The following IMMP2L variants were observed in gnomAD, a reference collection of about 807,000 sequenced individuals.
IMMP2L encodes the protein mitochondrial inner membrane protease subunit 2.
A neutral mutation model predicts 19.3 loss-of-function variants in IMMP2L; 18 were observed. The observed-to-expected ratio is 0.93, with a 90% CI of 0.64 to 1.38. IMMP2L has a LOEUF of 1.38. Among genes scored for constraint, IMMP2L ranks in the 40% most tolerant of loss-of-function variants. IMMP2L has a pLI of 0.00. For missense variants in IMMP2L, 233 were observed against 218.2 expected (o/e 1.07, Z -0.43); for synonymous variants, 76 against 73.0 (o/e 1.04, Z -0.21).
At chr7:110,750,383 C>G (rs935078127) in intron 5 of IMMP2L, among the ~76,000 whole-genome samples, 1 of 151,956 alleles carries the variant, frequency 6.6e-6, no homozygotes, top group African/African-American at 2.4e-5. Flanking sequence ...AGCATTGAAA[C>G]CCCTGGAAAA....
chr7:111,380,089 A>G (rs1305466704), intron 3 of IMMP2L, among the ~76,000 whole-genome samples: 1 of 151,956 alleles, frequency 6.6e-6, no homozygotes, highest in Non-Finnish European at 1.5e-5. Context: ...ATCACTGCTA[A>G]TTTATTTGTC....
intron 3 of IMMP2L, among the ~76,000 whole-genome samples, chr7:111,319,110 GGAGGGCAAGTCT>G (rs1563053706): frequency 6.6e-6 from 1 of 152,090 alleles, no homozygotes; most frequent in Admixed American, 6.6e-5. Flanking sequence ...TATGTCTGTA[GGAGGGCAAGTCT>G]GAGGGCACGA....
Position 110,667,072 on chromosome 7 carries a change from G to A in IMMP2L, c.409-3351C>T, listed in dbSNP as rs181390702. 2.2e-4 allele frequency among the ~76,000 whole-genome samples: 34 copies of A among 152,096 alleles called. 1 individual carries two copies. The East Asian group carries it at 5.6e-3, about 25-fold the overall frequency. ...ATTTTTAGTAGAGAGGGGTTTCACC[G>A]TGTTAGCCAAGATGGTCTCGATCTT... is the stretch of plus-strand genomic sequence containing the variant. On this transcript the variant is annotated intron_variant, in intron 5 of 5. Coordinates refer to ENST00000405709, the MANE Select transcript of IMMP2L (RefSeq NM_032549.4).
intron 3 of IMMP2L, among the ~76,000 whole-genome samples, chr7:111,446,032 C>A (rs1231219032): frequency 2.0e-5 from 3 of 152,064 alleles, no homozygotes; most frequent in Non-Finnish European, 2.9e-5. Context: ...GAGACTGTAT[C>A]CCACACCTGG....
chr7:111,052,319 T>G (rs1206551507), intron 3 of IMMP2L, among the ~76,000 whole-genome samples: 1 of 152,134 alleles, frequency 6.6e-6, no homozygotes, highest in Non-Finnish European at 1.5e-5. Context: ...TACCATCTAT[T>G]CTCTTTGAAG....
intron 5 of IMMP2L, among the ~76,000 whole-genome samples, chr7:110,717,504 A>C (rs1363420379): frequency 6.6e-6 from 1 of 152,146 alleles, no homozygotes; most frequent in Non-Finnish European, 1.5e-5. Flanking sequence ...AACAACTCAA[A>C]GTGTAAGCAC....
intron 4 of IMMP2L, among the ~76,000 whole-genome samples, chr7:110,908,192 C>G (rs1042678649): frequency 2.6e-5 from 4 of 152,152 alleles, no homozygotes; most frequent in Non-Finnish European, 5.9e-5. Flanking sequence ...ATCTCTGCAT[C>G]CAGCAACCTC....
At chr7:110,761,942 C>A (rs1798372003) in intron 5 of IMMP2L, among the ~76,000 whole-genome samples, 1 of 152,120 alleles carries the variant, frequency 6.6e-6, no homozygotes, top group Non-Finnish European at 1.5e-5. Flanking sequence ...AGCATAGCTC[C>A]CTGGTCAACA....
intron 5 of IMMP2L, among the ~76,000 whole-genome samples, chr7:110,842,400 T>C (rs1260940626): frequency 1.3e-5 from 2 of 152,076 alleles, no homozygotes; most frequent in African/African-American, 4.8e-5. Context: ...TGAGTTCGGG[T>C]CCACAGGCCA....
At chr7:111,274,219 T>G (rs1584396423) in intron 3 of IMMP2L, among the ~76,000 whole-genome samples, 1 of 152,160 alleles carries the variant, frequency 6.6e-6, no homozygotes, top group East Asian at 1.9e-4. Context: ...TTTACAAGTC[T>G]CTGATCTGGT....
At chr7:111,545,182 T>A (rs1848814439) in intron 1 of IMMP2L, among the ~76,000 whole-genome samples, 1 of 152,118 alleles carries the variant, frequency 6.6e-6, no homozygotes, top group South Asian at 2.1e-4. Flanking sequence ...GTTGGTCAGC[T>A]CTGCCCATAG....
At chr7:111,322,914 T>C (rs1454063974) in intron 3 of IMMP2L, among the ~76,000 whole-genome samples, 1 of 151,776 alleles carries the variant, frequency 6.6e-6, no homozygotes, top group Non-Finnish European at 1.5e-5. Flanking sequence ...TTCATAGCAT[T>C]AAATACTTAC....
At chr7:111,062,682 A>G (rs147335580) in intron 3 of IMMP2L, among the ~76,000 whole-genome samples, 23 of 152,224 alleles carry the variant, frequency 1.5e-4, no homozygotes, top group African/African-American at 5.5e-4. Flanking sequence ...TTGGGCAAAT[A>G]CAGCTGTTCC....
chr7:110,975,784 A>C (rs1267414097), intron 3 of IMMP2L, among the ~76,000 whole-genome samples: 2 of 152,150 alleles, frequency 1.3e-5, no homozygotes, highest in African/African-American at 4.8e-5. Flanking sequence ...TCATAGTAAC[A>C]GTTTAGAAAT....
At chr7:110,969,163 A>C (rs1447350947) in intron 3 of IMMP2L, among the ~76,000 whole-genome samples, 1 of 152,114 alleles carries the variant, frequency 6.6e-6, no homozygotes, top group Non-Finnish European at 1.5e-5. Flanking sequence ...AATCAAGATA[A>C]AAACGAATAA....
At chr7:111,469,126 G>GT (rs1840965798) in intron 3 of IMMP2L, among the ~76,000 whole-genome samples, 1 of 152,180 alleles carries the variant, frequency 6.6e-6, no homozygotes, top group Admixed American at 6.5e-5. Flanking sequence ...CTCTGTTTTG[G>GT]TACCAGTACC....
intron 3 of IMMP2L, among the ~76,000 whole-genome samples, chr7:111,039,098 G>A (rs1231624646): frequency 6.6e-6 from 1 of 151,920 alleles, no homozygotes. Flanking sequence ...GAATAGAATG[G>A]TCTGCTTTGG....
intron 4 of IMMP2L, among the ~76,000 whole-genome samples, chr7:110,905,850 C>G (rs972005148): frequency 6.6e-6 from 1 of 152,086 alleles, no homozygotes; most frequent in Admixed American, 6.5e-5. Context: ...AATCATAACA[C>G]TGAATTATAA....
At chr7:111,283,963 T>C (rs1584447468) in intron 3 of IMMP2L, among the ~76,000 whole-genome samples, 2 of 104,632 alleles carry the variant, frequency 1.9e-5, no homozygotes, top group Non-Finnish European at 3.5e-5. Flanking sequence ...AGAGCGAGAC[T>C]CCGTCTCAAA....
Sources: allele counts gnomAD v4.1 joint callset (sites outside exome capture counted in the v4.1 genomes callset), GRCh38; gene constraint gnomAD v4.1.1; transcripts MANE v1.5; gene names NCBI Gene and HGNC (gene_info 2026-07-23, HGNC 2026-07-21).